NFIX: variants seen among roughly 807,000 people sequenced by gnomAD.
NFIX encodes nuclear factor 1 X-type.
A neutral mutation model predicts 53.3 loss-of-function variants in NFIX; 2 were observed. The ratio of observed to expected loss-of-function variants is 0.04; its 90% CI spans 0.02 to 0.12. The LOEUF (loss-of-function observed/expected upper bound fraction) is 0.12. NFIX is among the 10% of genes least tolerant of loss of function. The probability of loss-of-function intolerance (pLI) is 1.00; values close to 1 mark genes in which losing one functional copy is unlikely to be tolerated. For synonymous variants in NFIX, 244 were observed against 289.0 expected (o/e 0.84, Z 1.58); for missense variants, 310 against 674.5 (o/e 0.46, Z 5.99).
At chr19:13,017,897 C>T (rs1173599038) in intron 1 of NFIX, among the ~76,000 whole-genome samples, 2 of 152,198 alleles carry the variant, frequency 1.3e-5, no homozygotes, top group Non-Finnish European at 1.5e-5. Flanking sequence ...GTGACACTTC[C>T]CAAGCCGGTT....
intron 1 of NFIX, among the ~76,000 whole-genome samples, chr19:13,017,532 G>A (rs548969865): frequency 3.9e-5 from 6 of 152,158 alleles, no homozygotes; most frequent in South Asian, 2.1e-4. Flanking sequence ...CTCCTGTGGC[G>A]GGGGAAACAG....
rs1216119274 is a variant in NFIX at position 13,001,140 on chromosome 19, A to G, written c.27+5276A>G. ...GGGTGTCTTAATTTTCTTGCCCCCA[A>G]AGCCCTGGATGTGGGGGCAAGTGGG... On this transcript the variant is annotated intron_variant, in intron 1 of 10. Transcript: ENST00000592199. The surrounding 1 kb of genome is among the most constrained non-coding windows in gnomAD (Gnocchi z 6.5). Among the ~76,000 whole-genome samples the G allele has an allele frequency of 6.6e-6, 1 of 152,164 alleles. No individual in the cohort carries two copies. Among genetic ancestry groups the G allele is most frequent in the African/African-American group, 2.4e-5 (1 of 41,434 alleles).
rs917690894 is a variant in NFIX at position 13,037,210 on chromosome 19, G to T, written c.559+11658G>T. Among the ~76,000 whole-genome samples, 1 of 152,132 alleles carries T rather than the reference G, an allele frequency of 6.6e-6. No individual in the cohort carries two copies. The highest frequency in any genetic ancestry group is 2.4e-5 in the African/African-American group (1 of 41,422). On this transcript the variant is annotated intron_variant, in intron 2 of 10. Transcript: ENST00000592199. This position sits in a 1 kb window ranked among gnomAD's most constrained non-coding sequence, Gnocchi z 4.2. ...CTTGGCTGTGTGTCAGGGAGAAGAG[G>T]GGAGCTACAGAGTCTTCCCTGTCCT...
chr19:13,087,774 CAAAAAAA>C (rs1157966190), intron 8 of NFIX, among the ~76,000 whole-genome samples: 40 of 26,390 alleles, frequency 1.5e-3, no homozygotes, highest in South Asian at 4.4e-3. Context: ...AAAAGAGGAC[CAAAAAAA>C]AAAAAAAAAA....
chr19:13,007,870 G>C (rs1270748616), intron 1 of NFIX, among the ~76,000 whole-genome samples: 1 of 152,088 alleles, frequency 6.6e-6, no homozygotes, highest in Non-Finnish European at 1.5e-5. Context: ...CACTTTCGGT[G>C]GGGGGGTGCT....
At chr19:13,008,898 A>G (rs1399568141) in intron 1 of NFIX, among the ~76,000 whole-genome samples, 1 of 152,216 alleles carries the variant, frequency 6.6e-6, no homozygotes, top group East Asian at 1.9e-4. Context: ...ATCCGATGGA[A>G]AAGCCAAGGC....
Position 13,007,186 on chromosome 19 carries a change from C to G in NFIX, c.27+11322C>G, listed in dbSNP as rs943777279. Among the ~76,000 whole-genome samples, 20 of 152,274 alleles carry G rather than the reference C, an allele frequency of 1.3e-4. No individual in the cohort carries two copies. The South Asian group carries it at 1.9e-3, about 14-fold the overall frequency. On this transcript the variant is annotated intron_variant, in intron 1 of 10. Coordinates refer to ENST00000592199, the MANE Select transcript of NFIX (RefSeq NM_001365902.3). ...TTTGGCATCTCTTCCCCCTCCCCCC[C>G]CATAGGCGCCAACCTCACTTCCAAA...
rs1465030660 is a variant in NFIX, at chr19:13,088,936, G to A, written c.1402+800G>A. Among the ~76,000 whole-genome samples, 1 of 151,894 alleles carries A rather than the reference G, an allele frequency of 6.6e-6. No homozygotes were observed. On this transcript the variant is annotated intron_variant, in intron 9 of 10. Coordinates refer to ENST00000592199, the MANE Select transcript of NFIX (RefSeq NM_001365902.3). This position sits in a 1 kb window ranked among gnomAD's most constrained non-coding sequence, Gnocchi z 5.9. ...CATTCGAGAGGTCCCAGGTAGACCC[G>A]GCGTGAAGGACAGGAGGATGGGGCG... is the stretch of plus-strand genomic sequence containing the variant.
Position 13,098,261 on chromosome 19 carries a change from GCT to G in NFIX, c.*3614_*3615del, listed in dbSNP as rs2145557625. 1.2e-5 allele frequency: 1 copy of G among 83,662 alleles called. No individual in the cohort carries two copies. Among genetic ancestry groups the G allele is most frequent in the East Asian group, 3.0e-4 (1 of 3,338 alleles). 5.2% of individuals were successfully genotyped at this position (83,662 alleles called of 1,614,324 possible). A position where few individuals can be genotyped will look rare whatever the true frequency, so the allele number is the denominator to read the frequency against. On this transcript the variant is annotated 3_prime_UTR_variant, in exon 11 of 11. Coordinates refer to ENST00000592199, the MANE Select transcript of NFIX (RefSeq NM_001365902.3). ...CGAGGGGCACCCCAGCCCCGCCTCT[GCT>G]CCCCCCCACCCCACCCACCCTCGGG...
At chr19:13,034,777 T>C (rs943448400) in intron 2 of NFIX, among the ~76,000 whole-genome samples, 3 of 152,182 alleles carry the variant, frequency 2.0e-5, no homozygotes, top group Non-Finnish European at 2.9e-5. Flanking sequence ...GGTGTGTATA[T>C]AAAAACTCTC....
At chr19:12,999,515 CAA>C (rs985208255) in intron 1 of NFIX, among the ~76,000 whole-genome samples, 1 of 140,848 alleles carries the variant, frequency 7.1e-6, no homozygotes, top group Non-Finnish European at 1.5e-5. Context: ...CACACACACA[CAA>C]ATATGCACCA....
chr19:13,009,557 A>C lies in NFIX; in HGVS notation c.27+13693A>C, dbSNP rs1380915719. Among the ~76,000 whole-genome samples the C allele has an allele frequency of 6.6e-6, 1 of 152,094 alleles. No homozygotes were observed. The highest frequency in any genetic ancestry group is 2.1e-4 in the South Asian group (1 of 4,828). ...TGAGGCTCCTCCTTCTGGCCTTCCC[A>C]TGGGAATTCCCTTCCTATTCCCCAG... On this transcript the variant is annotated intron_variant, in intron 1 of 10. Coordinates refer to ENST00000592199, the MANE Select transcript of NFIX (RefSeq NM_001365902.3). The surrounding 1 kb of genome is among the most constrained non-coding windows in gnomAD (Gnocchi z 4.7).
At chr19:13,047,675 G>A (rs1474828508) in intron 2 of NFIX, among the ~76,000 whole-genome samples, 2 of 152,194 alleles carry the variant, frequency 1.3e-5, no homozygotes, top group Non-Finnish European at 2.9e-5. Flanking sequence ...GGAAGCATAG[G>A]ATAAGGAGGC....
At chr19:13,055,531 A>G (rs1483139072) in intron 2 of NFIX, among the ~76,000 whole-genome samples, 1 of 152,074 alleles carries the variant, frequency 6.6e-6, no homozygotes, top group African/African-American at 2.4e-5. Context: ...GTCCAACCAC[A>G]TGTGTCTGTG....
rs2012449535 is a variant in NFIX, at chr19:13,012,979, G to A, written c.28-12042G>A. Among the ~76,000 whole-genome samples, 1 of 152,066 alleles carries A rather than the reference G, an allele frequency of 6.6e-6. No individual in the cohort carries two copies. The highest frequency in any genetic ancestry group is 1.5e-5 in the Non-Finnish European group (1 of 68,018). ...GGGATTTTGTCCTCCAGCGAGCGCGGGGAAGAAATGTGACTAAGTGGCAGA... is the reference window on the plus strand; with the variant it reads ...GGGATTTTGTCCTCCAGCGAGCGCGAGGAAGAAATGTGACTAAGTGGCAGA... On this transcript the variant is annotated intron_variant, in intron 1 of 10. Coordinates refer to ENST00000592199, the MANE Select transcript of NFIX (RefSeq NM_001365902.3). The surrounding 1 kb of genome is among the most constrained non-coding windows in gnomAD (Gnocchi z 5.0).
At chr19:13,057,454 G>A (rs893647591) in intron 2 of NFIX, among the ~76,000 whole-genome samples, 1 of 152,182 alleles carries the variant, frequency 6.6e-6, no homozygotes, top group African/African-American at 2.4e-5. Context: ...AGCTGTGTGC[G>A]AGGAGCCCTA....
chr19:13,023,847 G>A (rs1203966447), intron 1 of NFIX: 1 of 593,596 alleles, frequency 1.7e-6, no homozygotes, highest in Non-Finnish European at 3.0e-6. Context: ...AGGGGGAAGG[G>A]TTTGAGAATC....
intron 1 of NFIX, among the ~76,000 whole-genome samples, chr19:13,007,085 G>A (rs992670933): frequency 1.3e-5 from 2 of 152,106 alleles, no homozygotes; most frequent in South Asian, 2.1e-4. Context: ...AAGGATGCCC[G>A]CCTGGCTTCC....
rs1442490906 is a variant in NFIX at position 13,090,282 on chromosome 19, T to G, written c.1403-17T>G. 2 of 1,613,260 alleles carry G rather than the reference T, an allele frequency of 1.2e-6. No homozygotes were observed. The highest frequency in any genetic ancestry group is 1.3e-5 in the African/African-American group (1 of 74,914). On this transcript the variant is annotated splice_polypyrimidine_tract_variant and intron_variant, in intron 9 of 10. Coordinates refer to ENST00000592199, the MANE Select transcript of NFIX (RefSeq NM_001365902.3). The surrounding 1 kb of genome is among the most constrained non-coding windows in gnomAD (Gnocchi z 6.6). ...AGGCCTGACAGGGTCTCTCCCTCTC[T>G]CCCCTGCTCCCCACAGCATTCGCAA...
Sources: gnomAD v4.1 joint callset for allele counts (sites outside exome capture counted in the v4.1 genomes callset) on GRCh38, gnomAD v4.1.1 for gene constraint, Gnocchi (gnomAD v3.1) non-coding constraint, MANE v1.5 for transcripts, NCBI Gene and HGNC (gene_info 2026-07-23, HGNC 2026-07-21) for gene names.